Variants in COMMD10 observed in about 807,000 individuals in gnomAD.
COMMD10 encodes the protein COMM domain containing 10.
A neutral mutation model predicts 28.9 loss-of-function variants in COMMD10; 33 were observed. That is an observed-to-expected ratio of 1.14 (90% confidence interval 0.87 to 1.53). The LOEUF is 1.53. Among genes scored for constraint, COMMD10 ranks in the 40% most tolerant of loss-of-function variants. The pLI is 0.00. For missense variants in COMMD10, 310 were observed against 233.4 expected (o/e 1.33, Z -2.14); for synonymous variants, 110 against 81.7 (o/e 1.35, Z -1.87).
intron 5 of COMMD10, among the ~76,000 whole-genome samples, chr5:116,228,458 C>A (rs1181198151): frequency 6.6e-6 from 1 of 151,850 alleles, no homozygotes; most frequent in Non-Finnish European, 1.5e-5. Flanking sequence ...ACATTTATCA[C>A]TTTCATATGT....
At chr5:116,225,594 A>T (rs956490597) in intron 5 of COMMD10, among the ~76,000 whole-genome samples, 1 of 151,988 alleles carries the variant, frequency 6.6e-6, no homozygotes, top group Admixed American at 6.6e-5. Context: ...TTGTATATGC[A>T]CAGTGTGGTA....
chr5:116,238,233 A>C (rs1315253478), intron 5 of COMMD10, among the ~76,000 whole-genome samples: 3 of 152,216 alleles, frequency 2.0e-5, no homozygotes, highest in Non-Finnish European at 4.4e-5. Flanking sequence ...TAATAAAACT[A>C]TCAGTAAATT....
chr5:116,149,101 C>A (rs191234344), intron 5 of COMMD10, among the ~76,000 whole-genome samples: 2 of 147,350 alleles, frequency 1.4e-5, no homozygotes, highest in African/African-American at 5.0e-5. Context: ...TGAGAATATG[C>A]GGTGTTTGGT....
chr5:116,102,700 G>A (rs996487740), intron 4 of COMMD10, among the ~76,000 whole-genome samples: 2 of 152,030 alleles, frequency 1.3e-5, no homozygotes, highest in African/African-American at 4.8e-5. Context: ...AAGTTCTGGG[G>A]TACATGTGCA....
At chr5:116,170,928 C>A (rs4441909) in intron 5 of COMMD10, among the ~76,000 whole-genome samples, 136,470 of 152,210 alleles carry the variant, frequency 0.9, 61,328 homozygotes, top group African/African-American at 0.94. Context: ...AGGCATGGGC[C>A]AAGATTTCAT....
chr5:116,172,896 A>AT (rs1753384089), intron 5 of COMMD10, among the ~76,000 whole-genome samples: 1 of 152,152 alleles, frequency 6.6e-6, no homozygotes, highest in South Asian at 2.1e-4. Flanking sequence ...TAATACAAGA[A>AT]TTGACAATAT....
In COMMD10 at chr5:116,291,568, T is replaced by C. The variant is rs749541250; in HGVS notation, c.562T>C (p.Tyr188His). Residue 188 changes from tyrosine to histidine, a missense_variant, in exon 6 of 7, where the codon TAT (tyrosine) becomes CAT (histidine). Transcript: ENST00000274458. ...EFSHKELFDF[Y>H]NKLETIQAQL... ...CAGTCACAAGGAGTTGTTTGATTTC[T>C]ATAACAAGGTCTGTATTTTTAAAAT... 21 of 1,570,600 alleles carry C rather than the reference T, an allele frequency of 1.3e-5. No homozygotes were observed. The highest frequency in any genetic ancestry group is 8.5e-5 in the Admixed American group (5 of 58,572).
At chr5:116,292,075 G>T (rs983400721) in intron 6 of COMMD10, among the ~76,000 whole-genome samples, 2 of 151,494 alleles carry the variant, frequency 1.3e-5, no homozygotes, top group African/African-American at 4.9e-5. Context: ...CATGCGTGTG[G>T]TTATCCTGTT....
At chr5:116,210,154 T>G (rs1350227457) in intron 5 of COMMD10, among the ~76,000 whole-genome samples, 1 of 152,162 alleles carries the variant, frequency 6.6e-6, no homozygotes, top group East Asian at 1.9e-4. Context: ...CTTAATCCAT[T>G]CACAAGGGTG....
intron 5 of COMMD10, among the ~76,000 whole-genome samples, chr5:116,183,767 A>G (rs114278582): frequency 0.017 from 2,564 of 152,230 alleles, 39 homozygotes; most frequent in Middle Eastern, 0.027. Context: ...TGGATAGCTG[A>G]TAATTAATGA....
intron 5 of COMMD10, among the ~76,000 whole-genome samples, chr5:116,254,026 G>A (rs187614421): frequency 1.3e-5 from 2 of 152,110 alleles, no homozygotes; most frequent in African/African-American, 4.8e-5. Flanking sequence ...TTATTCTTGG[G>A]AGAGTATATG....
chr5:116,100,426 T>C (rs2112721464), intron 4 of COMMD10, among the ~76,000 whole-genome samples: 1 of 149,702 alleles, frequency 6.7e-6, no homozygotes. Context: ...TGTATTTTTT[T>C]CTAGAAATTT....
chr5:116,167,825 G>A (rs1020357992), intron 5 of COMMD10, among the ~76,000 whole-genome samples: 8 of 152,098 alleles, frequency 5.3e-5, no homozygotes, highest in African/African-American at 1.9e-4. Flanking sequence ...AAGAGCTCCT[G>A]AAGGAAACAC....
intron 5 of COMMD10, among the ~76,000 whole-genome samples, chr5:116,263,268 G>C (rs775839900): frequency 6.6e-6 from 1 of 151,720 alleles, no homozygotes; most frequent in Non-Finnish European, 1.5e-5. Context: ...TCCTACATAA[G>C]GGATCTAGAG....
At chr5:116,244,064 T>C (rs564424930) in intron 5 of COMMD10, among the ~76,000 whole-genome samples, 74 of 152,276 alleles carry the variant, frequency 4.9e-4, no homozygotes, top group African/African-American at 1.7e-3. Context: ...CTATATATCA[T>C]GTATTTGGAC....
intron 5 of COMMD10, among the ~76,000 whole-genome samples, chr5:116,165,285 C>CTT (rs2112572463): frequency 6.6e-6 from 1 of 152,258 alleles, no homozygotes; most frequent in African/African-American, 2.4e-5. Context: ...TCATGCTTTG[C>CTT]TTGAAACACA....
At chr5:116,155,417 C>G (rs373380120) in intron 5 of COMMD10, among the ~76,000 whole-genome samples, 3 of 152,046 alleles carry the variant, frequency 2.0e-5, no homozygotes, top group African/African-American at 7.2e-5. Context: ...AGAAAGTCTC[C>G]TGTCTGTTTC....
At chr5:116,239,216 C>A (rs1308192504) in intron 5 of COMMD10, among the ~76,000 whole-genome samples, 1 of 152,096 alleles carries the variant, frequency 6.6e-6, no homozygotes, top group East Asian at 1.9e-4. Flanking sequence ...TTTATAGGTT[C>A]TTGGTTAACC....
At chr5:116,233,828 G>A (rs79411515) in intron 5 of COMMD10, among the ~76,000 whole-genome samples, 1,661 of 152,254 alleles carry the variant, frequency 0.011, 27 homozygotes, top group African/African-American at 0.037. Flanking sequence ...TGGTAGGACA[G>A]ATGATGTAAA....
Sources: gnomAD v4.1 joint callset for allele counts (sites outside exome capture counted in the v4.1 genomes callset) on GRCh38, gnomAD v4.1.1 for gene constraint, MANE v1.5 for transcripts, NCBI Gene and HGNC (gene_info 2026-07-23, HGNC 2026-07-21) for gene names.